The following NCOR2 variants were observed in gnomAD, a reference collection of about 807,000 sequenced individuals.
NCOR2 encodes CTG repeat protein 26.
In NCOR2, 81 loss-of-function variants were observed where a neutral mutation model predicts 262.9. That is an observed-to-expected ratio of 0.31 (90% CI 0.26 to 0.37). The LOEUF is 0.37. NCOR2 is among the 10% of genes least tolerant of loss of function. The pLI is 1.00. For synonymous variants in NCOR2, 1,659 were observed against 1,559.3 expected (o/e 1.06, Z -1.51); for missense variants, 3,385 against 3,621.4 (o/e 0.93, Z 1.68).
intron 16 of NCOR2, among the ~76,000 whole-genome samples, chr12:124,393,247 C>A (rs957704919): frequency 3.3e-5 from 5 of 152,222 alleles, no homozygotes; most frequent in African/African-American, 4.8e-5. Context: ...TCCTTCCCCA[C>A]TTGGCGCTGG....
Position 124,432,037 on chromosome 12 carries a change from T to A in NCOR2, c.883-1250A>T. Among the ~76,000 whole-genome samples, 1 of 129,310 alleles carries A rather than the reference T, an allele frequency of 7.7e-6. No individual in the cohort carries two copies. Among genetic ancestry groups the A allele is most frequent in the Non-Finnish European group, 1.6e-5 (1 of 60,886 alleles). The allele number at this position is 129,310 out of a possible 152,430, so 84.8% of individuals were successfully genotyped here. On this transcript the variant is annotated intron_variant, in intron 8 of 46. Coordinates refer to ENST00000405201, the Ensembl canonical transcript of NCOR2. This position sits in a 1 kb window ranked among gnomAD's most constrained non-coding sequence, Gnocchi z 5.1. Reference sequence around the variant, plus strand: ...ATATGACAGACACACACACAGTCCATCACACAGGCAGGCAGGCAGACACAC... The same window carrying A: ...ATATGACAGACACACACACAGTCCAACACACAGGCAGGCAGGCAGACACAC...
At chr12:124,415,118 G>A (rs137865745) in intron 13 of NCOR2, among the ~76,000 whole-genome samples, 3 of 152,322 alleles carry the variant, frequency 2.0e-5, no homozygotes, top group East Asian at 3.9e-4. Context: ...TGAGGCAGCG[G>A]GGTAGTGGGT....
upstream of NCOR2, among the ~76,000 whole-genome samples, chr12:124,496,967 T>C (rs570858632): frequency 6.6e-6 from 1 of 152,258 alleles, no homozygotes; most frequent in South Asian, 2.1e-4. This position sits in a 1 kb window ranked among gnomAD's most constrained non-coding sequence, Gnocchi z 4.4. Context: ...GGAGCCTGCC[T>C]GAGACCCACG....
chr12:124,340,417 T>G, exon 36 of NCOR2: 1 of 1,612,894 alleles, frequency 6.2e-7, no homozygotes, highest in Non-Finnish European at 8.5e-7. Context: ...GACGTGGTGG[T>G]TGGTTTTGTC....
chr12:124,325,132 C>G, exon 47 of NCOR2: 1 of 300,936 alleles, frequency 3.3e-6, no homozygotes, highest in Non-Finnish European at 6.1e-6. Context: ...GCCTGCCGTG[C>G]CCCCTCCCCG....
At chr12:124,484,068 C>T (rs1047877401) in intron 2 of NCOR2, among the ~76,000 whole-genome samples, 4 of 152,186 alleles carry the variant, frequency 2.6e-5, no homozygotes, top group Non-Finnish European at 5.9e-5. Context: ...GACCACCCCA[C>T]CGTCCCCACC....
chr12:124,429,640 C>G (rs1444269535), exon 10 of NCOR2: 4 of 1,608,916 alleles, frequency 2.5e-6, no homozygotes, highest in Non-Finnish European at 3.4e-6. Flanking sequence ...CATCGATGAT[C>G]TCTGACACCT....
At chr12:124,484,389 A>C (rs576722210) in intron 2 of NCOR2, among the ~76,000 whole-genome samples, 24 of 152,144 alleles carry the variant, frequency 1.6e-4, no homozygotes, top group Admixed American at 3.3e-4. Flanking sequence ...CCTCCTCCGC[A>C]GTGTGCCTAG....
rs754008044 is a variant in NCOR2 at position 124,340,366 on chromosome 12, G to A, written c.5416C>T (p.Arg1806Trp). The change falls in exon 36 of 47, where the codon CGG becomes TGG. Residue 1806 changes from arginine to tryptophan, a missense_variant. Physicochemically the swap from Arg to Trp is moderately radical, Grantham distance 101. Around this residue, in one of 5 missense-constraint regions of NCOR2, gnomAD observed 1,615 missense variants for 1,626.9 expected, o/e 0.99. Transcript: ENST00000405201. The stretch of plus-strand genomic sequence containing the variant: ...ATGGACTTTTCCCGCTCCCGATCCC[G>A]GTCCCGCTCTCGATCCCGGTCTCGC... 2.4e-5 allele frequency: 38 copies of A among 1,613,014 alleles called. No homozygotes were observed. The highest frequency in any genetic ancestry group is 1.3e-4 in the Admixed American group (8 of 60,018).
intron 26 of NCOR2, 135 bp from the exon 29 acceptor site, chr12:124,354,331 CCCTAA>C: frequency 8.7e-7 from 1 of 1,152,984 alleles, no homozygotes; most frequent in Non-Finnish European, 1.2e-6. Context: ...GTCCCCCTAC[CCCTAA>C]ATGGTGAGGG....
At chr12:124,406,033 G>C (rs2042255724) in intron 13 of NCOR2, among the ~76,000 whole-genome samples, 1 of 152,216 alleles carries the variant, frequency 6.6e-6, no homozygotes, top group South Asian at 2.1e-4. Flanking sequence ...CGGAGACCCA[G>C]GCGTTCGTAT....
At chr12:124,505,071 G>A (rs2048970659) in intron 1 of NCOR2, among the ~76,000 whole-genome samples, 1 of 152,236 alleles carries the variant, frequency 6.6e-6, no homozygotes, top group Non-Finnish European at 1.5e-5. Context: ...GGGAAACTGA[G>A]GTTCCAGCCA....
At chr12:124,525,548 CT>C (rs2050419897) in intron 1 of NCOR2, among the ~76,000 whole-genome samples, 1 of 152,250 alleles carries the variant, frequency 6.6e-6, no homozygotes, top group Non-Finnish European at 1.5e-5. Flanking sequence ...ACCAATCTGG[CT>C]GCAGGGAGGC....
chr12:124,493,069 G>C (rs1445734479), intron 1 of NCOR2, among the ~76,000 whole-genome samples: 1 of 152,242 alleles, frequency 6.6e-6, no homozygotes, highest in Non-Finnish European at 1.5e-5. Context: ...GCCTGGAGGG[G>C]GCGGTGAGCG....
upstream of NCOR2, among the ~76,000 whole-genome samples, chr12:124,495,678 C>T (rs1222513085): frequency 6.6e-6 from 1 of 152,194 alleles, no homozygotes. This position sits in a 1 kb window ranked among gnomAD's most constrained non-coding sequence, Gnocchi z 4.4. Flanking sequence ...TGGCTCCCAG[C>T]CCCCCTAAGC....
rs2047526338 is a variant in NCOR2 at position 124,482,160 on chromosome 12, C to T, written c.411+1436G>A. Among the ~76,000 whole-genome samples the T allele has an allele frequency of 6.6e-6, 1 of 152,162 alleles. No individual in the cohort carries two copies. Among genetic ancestry groups the T allele is most frequent in the Non-Finnish European group, 1.5e-5 (1 of 68,002 alleles). The stretch of plus-strand genomic sequence containing the variant: ...CTAGGAGTTCATTAACTGACCTCCA[C>T]TTTCCTGTGACAACTTGGTGAGGCG... On this transcript the variant is annotated intron_variant, in intron 3 of 46. Transcript: ENST00000405201. This position sits in a 1 kb window ranked among gnomAD's most constrained non-coding sequence, Gnocchi z 6.3.
chr12:124,342,349 CTTT>C lies in NCOR2; in HGVS notation c.4937-278_4937-276del, dbSNP rs536712512. The stretch of plus-strand genomic sequence containing the variant: ...AGATTAACACTCCAAAGGGATGCAA[CTTT>C]TTTTATTTCTTTTTTTTTAATTTCT... On this transcript the variant is annotated intron_variant, in intron 33 of 46. Transcript: ENST00000405201. 3.0e-4 allele frequency among the ~76,000 whole-genome samples: 45 copies of C among 152,256 alleles called. 1 individual carries two copies. In the East Asian group the frequency reaches 8.3e-3, roughly 28 times the overall value.
At chr12:124,495,885 A>G (rs3759105), upstream of NCOR2, among the ~76,000 whole-genome samples, 16,634 of 152,212 alleles carry the variant, frequency 0.11, 996 homozygotes, top group East Asian at 0.21. The surrounding 1 kb of genome is among the most constrained non-coding windows in gnomAD (Gnocchi z 4.4). Context: ...GACCCTGTGC[A>G]GGAGGCTGAC....
intron 1 of NCOR2, among the ~76,000 whole-genome samples, chr12:124,488,829 G>A (rs2047918994): frequency 6.6e-6 from 1 of 152,192 alleles, no homozygotes; most frequent in African/African-American, 2.4e-5. Flanking sequence ...GAGGGCCTCG[G>A]CCCGATAGTG....
Sources: allele counts gnomAD v4.1 joint callset (sites outside exome capture counted in the v4.1 genomes callset), GRCh38; gene constraint gnomAD v4.1.1; regional missense constraint gnomAD v4.1.1; non-coding constraint Gnocchi (gnomAD v3.1); transcripts MANE v1.5; gene names NCBI Gene and HGNC (gene_info 2026-07-23, HGNC 2026-07-21).